PTN: variants seen among roughly 807,000 people sequenced by gnomAD.
PTN encodes pleiotrophin, also known as heparin affin regulatory protein.
PTN carries 18 observed loss-of-function variants against 24.1 expected under a neutral mutation model. The observed-to-expected ratio is 0.75, with a 90% CI of 0.52 to 1.11. PTN has a LOEUF of 1.11. Ranked by LOEUF, PTN falls within the 50% of genes least tolerant of loss-of-function variation. PTN has a pLI of 0.00. For synonymous variants in PTN, 78 were observed against 68.6 expected, an observed-to-expected ratio of 1.14 and a Z score of -0.67; for missense variants, 163 against 198.8, an observed-to-expected ratio of 0.82 and a Z score of 1.08.
At chr7:137,230,214 T>C (rs1808404199) in intron 4 of PTN, among the ~76,000 whole-genome samples, 1 of 152,018 alleles carries the variant, frequency 6.6e-6, no homozygotes, top group Middle Eastern at 3.4e-3. Context: ...AATGTAAGGT[T>C]GTCCATTTCA....
intron 1 of PTN, among the ~76,000 whole-genome samples, chr7:137,290,791 T>C (rs1006003355): frequency 2.0e-5 from 3 of 152,152 alleles, no homozygotes; most frequent in South Asian, 2.1e-4. Flanking sequence ...CAGGGCTGAC[T>C]TAAAATGTTT....
chr7:137,232,323 T>G (rs1324011828), intron 4 of PTN, among the ~76,000 whole-genome samples: 1 of 151,984 alleles, frequency 6.6e-6, no homozygotes, highest in East Asian at 1.9e-4. Flanking sequence ...CCTGGGTAGA[T>G]TTTAACTTCC....
At chr7:137,239,695 C>A (rs1808592664) in intron 4 of PTN, among the ~76,000 whole-genome samples, 1 of 152,046 alleles carries the variant, frequency 6.6e-6, no homozygotes, top group South Asian at 2.1e-4. Context: ...ATGATGATTT[C>A]CAATTTCATC....
intron 4 of PTN, 128 bp from the exon 5 acceptor site, chr7:137,228,203 A>G: frequency 1.6e-6 from 1 of 644,640 alleles, no homozygotes; most frequent in Non-Finnish European, 2.7e-6. Flanking sequence ...TGCTCTTGGT[A>G]GTTCTCTTGG....
chr7:137,300,299 T>C (rs1294765713), intron 1 of PTN, among the ~76,000 whole-genome samples: 5 of 152,024 alleles, frequency 3.3e-5, no homozygotes, highest in Non-Finnish European at 5.9e-5. Context: ...ATTCATCAGC[T>C]ATTTCAAATG....
chr7:137,256,329 T>C (rs1418248889), intron 1 of PTN, among the ~76,000 whole-genome samples: 1 of 152,118 alleles, frequency 6.6e-6, no homozygotes, highest in Admixed American at 6.5e-5. Context: ...CCCACACCCC[T>C]CAACAGGTCC....
rs371830338 is a variant in PTN at position 137,242,431 on chromosome 7, T to C, written c.451+8799A>G. Among the ~76,000 whole-genome samples the C allele has an allele frequency of 6.6e-5, 10 of 152,018 alleles. No individual in the cohort carries two copies. The East Asian group carries it at 1.2e-3, about 18-fold the overall frequency. On this transcript the variant is annotated intron_variant, in intron 4 of 4. Transcript: ENST00000348225. ...GGACAGCAGGAGGGACTGACATTCA[T>C]TCCCTGACTCACCTGTAGCATAGAC...
At chr7:137,253,795 A>G (rs529419656) in intron 2 of PTN, among the ~76,000 whole-genome samples, 158 bp from the exon 3 acceptor site, 113 of 152,338 alleles carry the variant, frequency 7.4e-4, no homozygotes, top group African/African-American at 2.5e-3. Flanking sequence ...AATATTAACC[A>G]AATTATTGAA....
Position 137,253,488 on chromosome 7 carries a change from A to T in PTN, c.265T>A (p.Cys89Ser). The T allele has an allele frequency of 6.2e-7, 1 of 1,609,792 alleles. No individual in the cohort carries two copies. Among genetic ancestry groups the T allele is most frequent in the Non-Finnish European group, 8.5e-7 (1 of 1,177,570 alleles). The stretch of plus-strand genomic sequence containing the variant: ...CCGCCAAATTGCTTCTTCCAGTTGC[A>T]GGGGATCTTACATCTCTGGGTCTTC... ...TMKTQRCKIPCNWKKQFGAEC... is the reference protein window; with the variant it reads ...TMKTQRCKIPSNWKKQFGAEC... Residue 89 changes from cysteine (C) to serine (S), a missense_variant, in exon 3 of 5, where the codon TGC becomes AGC. Transcript: ENST00000348225.
intron 1 of PTN, among the ~76,000 whole-genome samples, chr7:137,263,301 AC>A (rs1197885299): frequency 2.0e-5 from 3 of 152,188 alleles, no homozygotes; most frequent in Non-Finnish European, 4.4e-5. Context: ...TTACACTTGT[AC>A]AGGCACATGT....
At chr7:137,333,775 T>C (rs1006747059) in intron 1 of PTN, among the ~76,000 whole-genome samples, 4 of 152,166 alleles carry the variant, frequency 2.6e-5, no homozygotes, top group Admixed American at 1.3e-4. Flanking sequence ...GGCATCACGC[T>C]ACCTGACTTC....
At chr7:137,250,376 A>G (rs1202257282) in intron 4 of PTN, among the ~76,000 whole-genome samples, 2 of 152,102 alleles carry the variant, frequency 1.3e-5, no homozygotes, top group East Asian at 1.9e-4. Flanking sequence ...TCTTCTCTCT[A>G]TGTATTTCTG....
chr7:137,247,536 G>A (rs762232609), intron 4 of PTN, among the ~76,000 whole-genome samples: 1 of 152,020 alleles, frequency 6.6e-6, no homozygotes, highest in African/African-American at 2.4e-5. Flanking sequence ...ATGGGTGGTT[G>A]GGATGGTTAA....
chr7:137,264,254 T>C (rs2128873126), intron 1 of PTN, among the ~76,000 whole-genome samples: 1 of 152,296 alleles, frequency 6.6e-6, no homozygotes, highest in East Asian at 1.9e-4. Flanking sequence ...AAGTTTCTTT[T>C]AGAGTCCCGG....
At chr7:137,313,037 G>A (rs1810009923) in intron 1 of PTN, among the ~76,000 whole-genome samples, 1 of 151,154 alleles carries the variant, frequency 6.6e-6, no homozygotes, top group African/African-American at 2.4e-5. Flanking sequence ...CTTCCTACAA[G>A]TACCTAGATA....
chr7:137,285,631 T>C lies in PTN; in HGVS notation c.-1-30657A>G, dbSNP rs1260791458. ...GTTGCAGTGAACCGAGACAGCACCA[T>C]TGCACTCCAGCCTAGGCAACAGAGT... On this transcript the variant is annotated intron_variant, in intron 1 of 4. Transcript: ENST00000348225. Among the ~76,000 whole-genome samples the C allele has an allele frequency of 3.9e-5, 6 of 152,040 alleles. No homozygotes were observed. The East Asian group carries it at 5.8e-4, about 15-fold the overall frequency.
rs1446810194 is a variant in PTN at position 137,323,089 on chromosome 7, C to T, written c.-2+20350G>A. 3.3e-5 allele frequency among the ~76,000 whole-genome samples: 5 copies of T among 152,206 alleles called. No individual in the cohort carries two copies. In the South Asian group the frequency reaches 1.0e-3, roughly 32 times the overall value. ...AATTATTTCTCATTTCTTGCCTGCA[C>T]TTTCATCTTTGTTGTCCAATTTCTT... On this transcript the variant is annotated intron_variant, in intron 1 of 4. Coordinates refer to ENST00000348225, the MANE Select transcript of PTN (RefSeq NM_002825.7).
At chr7:137,328,641 G>A (rs1032373463) in intron 1 of PTN, among the ~76,000 whole-genome samples, 1 of 152,142 alleles carries the variant, frequency 6.6e-6, no homozygotes, top group East Asian at 1.9e-4. Flanking sequence ...TTAGTCAGGT[G>A]ATGGCAGGCT....
In PTN at chr7:137,277,713, G is replaced by A. The variant is rs117112690; in HGVS notation, c.-1-22739C>T. Among the ~76,000 whole-genome samples, 65 of 152,142 alleles carry A rather than the reference G, an allele frequency of 4.3e-4. No individual in the cohort carries two copies. The East Asian group carries it at 0.012, about 29-fold the overall frequency. On this transcript the variant is annotated intron_variant, in intron 1 of 4. Coordinates refer to ENST00000348225, the MANE Select transcript of PTN (RefSeq NM_002825.7). ...GCCTCTCAAGTAGCTGGGACTACAG[G>A]CACATGTCACCACACTTGGCTAATT...
Sources: allele counts gnomAD v4.1 joint callset (sites outside exome capture counted in the v4.1 genomes callset), GRCh38; gene constraint gnomAD v4.1.1; transcripts MANE v1.5; gene names NCBI Gene and HGNC (gene_info 2026-07-23, HGNC 2026-07-21).